Variants in NOS1AP observed in about 807,000 individuals in gnomAD.
NOS1AP encodes nitric oxide synthase 1 adaptor protein.
A neutral mutation model predicts 56.2 loss-of-function variants in NOS1AP; 21 were observed. That is an observed-to-expected ratio of 0.37 (90% CI 0.26 to 0.54). The LOEUF (loss-of-function observed/expected upper bound fraction) is 0.54. NOS1AP is among the 20% of genes least tolerant of loss of function. NOS1AP has a pLI of 0.84. For synonymous variants in NOS1AP, 270 were observed against 274.6 expected, an observed-to-expected ratio of 0.98 and a Z score of 0.17; for missense variants, 522 against 657.8, an observed-to-expected ratio of 0.79 and a Z score of 2.26.
chr1:162,177,455 T>C (rs1056613734), intron 2 of NOS1AP, among the ~76,000 whole-genome samples: 1 of 152,012 alleles, frequency 6.6e-6, no homozygotes. Flanking sequence ...GCCAGGTAGG[T>C]CAGCTGCGGA....
chr1:162,243,626 A>G (rs1387106096), intron 2 of NOS1AP, among the ~76,000 whole-genome samples: 1 of 152,202 alleles, frequency 6.6e-6, no homozygotes, highest in Non-Finnish European at 1.5e-5. Flanking sequence ...GGTGGAAGTC[A>G]TATGATTTCA....
intron 1 of NOS1AP, among the ~76,000 whole-genome samples, chr1:162,076,214 C>G (rs1334403321): frequency 1.3e-5 from 2 of 152,244 alleles, no homozygotes; most frequent in South Asian, 2.1e-4. Flanking sequence ...TTTTTGCTGC[C>G]CTTGTCCTGC....
chr1:162,330,648 G>T (rs569498149), intron 4 of NOS1AP, among the ~76,000 whole-genome samples: 1 of 152,320 alleles, frequency 6.6e-6, no homozygotes, highest in South Asian at 2.1e-4. Context: ...GAAGCCTTTG[G>T]ATGGCTTTAA....
intron 2 of NOS1AP, among the ~76,000 whole-genome samples, chr1:162,217,845 T>C (rs893866420): frequency 6.6e-5 from 10 of 152,204 alleles, no homozygotes; most frequent in Non-Finnish European, 1.5e-4. Flanking sequence ...GGAGATGGCC[T>C]CATGCTAATT....
At chr1:162,267,596 C>CA (rs71829190) in intron 2 of NOS1AP, among the ~76,000 whole-genome samples, 12,517 of 99,792 alleles carry the variant, frequency 0.13, 1,093 homozygotes, top group African/African-American at 0.26. Flanking sequence ...CCTGTCTCTA[C>CA]AAAAAAAAAA....
intron 5 of NOS1AP, among the ~76,000 whole-genome samples, chr1:162,333,957 A>G (rs1656858472): frequency 6.6e-6 from 1 of 152,206 alleles, no homozygotes. Context: ...TTTCTGCAGA[A>G]GAGATTTTGG....
intron 1 of NOS1AP, among the ~76,000 whole-genome samples, chr1:162,134,018 G>A (rs1648872411): frequency 6.6e-6 from 1 of 152,130 alleles, no homozygotes; most frequent in African/African-American, 2.4e-5. Flanking sequence ...CCAAAAAATT[G>A]TATCTCTTCT....
chr1:162,163,444 C>G (rs1437928650), intron 2 of NOS1AP, among the ~76,000 whole-genome samples: 1 of 152,076 alleles, frequency 6.6e-6, no homozygotes, highest in Non-Finnish European at 1.5e-5. Context: ...ATTGACTTCC[C>G]TTTTTGAGCC....
chr1:162,084,661 C>T (rs1206677191), intron 1 of NOS1AP, among the ~76,000 whole-genome samples: 2 of 152,046 alleles, frequency 1.3e-5, no homozygotes, highest in East Asian at 3.9e-4. Context: ...TGAGATTGGG[C>T]CACAGTTTTT....
At chr1:162,258,872 C>G (rs1039245159) in intron 2 of NOS1AP, among the ~76,000 whole-genome samples, 3 of 152,118 alleles carry the variant, frequency 2.0e-5, no homozygotes, top group African/African-American at 7.2e-5. Flanking sequence ...AACAAATAAT[C>G]TTGAGGTTGG....
intron 2 of NOS1AP, among the ~76,000 whole-genome samples, chr1:162,175,696 C>T (rs1339636889): frequency 6.6e-6 from 1 of 152,122 alleles, no homozygotes; most frequent in East Asian, 1.9e-4. Context: ...CAATGAAATA[C>T]GTGTGTATGC....
intron 1 of NOS1AP, among the ~76,000 whole-genome samples, chr1:162,083,384 C>T (rs1479794756): frequency 6.6e-6 from 1 of 152,118 alleles, no homozygotes; most frequent in Non-Finnish European, 1.5e-5. Context: ...CACATAGCCT[C>T]CACTGTAACT....
At chr1:162,232,655 C>T (rs1476687664) in intron 2 of NOS1AP, among the ~76,000 whole-genome samples, 1 of 152,070 alleles carries the variant, frequency 6.6e-6, no homozygotes, top group Non-Finnish European at 1.5e-5. Flanking sequence ...TTCTGCTAAC[C>T]TGCCTCAATT....
chr1:162,168,201 C>T (rs1337991919), intron 2 of NOS1AP, among the ~76,000 whole-genome samples: 1 of 152,186 alleles, frequency 6.6e-6, no homozygotes, highest in Non-Finnish European at 1.5e-5. Flanking sequence ...CTGACCACGA[C>T]GATCCCTCTC....
intron 1 of NOS1AP, among the ~76,000 whole-genome samples, chr1:162,113,513 C>T (rs538917344): frequency 3.2e-4 from 49 of 152,208 alleles, no homozygotes; most frequent in Non-Finnish European, 6.5e-4. Flanking sequence ...TTCTGCAGGC[C>T]GTACAGGAAA....
chr1:162,137,919 G>A (rs1649071701), intron 1 of NOS1AP, among the ~76,000 whole-genome samples: 1 of 152,110 alleles, frequency 6.6e-6, no homozygotes, highest in Non-Finnish European at 1.5e-5. Flanking sequence ...CTTGGAGTGT[G>A]TATGTAAGCA....
chr1:162,072,548 A>G (rs1195119842), intron 1 of NOS1AP, among the ~76,000 whole-genome samples: 3 of 152,220 alleles, frequency 2.0e-5, no homozygotes, highest in Non-Finnish European at 4.4e-5. Flanking sequence ...TAGGGGACCA[A>G]GGATCCTTCT....
intron 5 of NOS1AP, among the ~76,000 whole-genome samples, chr1:162,335,661 G>A (rs781672633): frequency 1.3e-5 from 2 of 152,160 alleles, no homozygotes; most frequent in African/African-American, 2.4e-5. Context: ...CTGGAAGCCC[G>A]CAGATGTGGG....
chr1:162,282,365 G>A (rs1210041809), intron 2 of NOS1AP, among the ~76,000 whole-genome samples: 1 of 152,176 alleles, frequency 6.6e-6, no homozygotes, highest in Non-Finnish European at 1.5e-5. Flanking sequence ...ATTCAACCAT[G>A]TTGTAGCATA....
Sources: gnomAD v4.1 joint callset for allele counts (sites outside exome capture counted in the v4.1 genomes callset) on GRCh38, gnomAD v4.1.1 for gene constraint, MANE v1.5 for transcripts, NCBI Gene and HGNC (gene_info 2026-07-23, HGNC 2026-07-21) for gene names.